The following ANO10 variants were observed in gnomAD, a reference collection of about 807,000 sequenced individuals.
ANO10 encodes anoctamin 10, also known as anoctamin-10.
Under a neutral mutation model 74.7 loss-of-function variants are expected in ANO10, and 77 were observed. The ratio of observed to expected loss-of-function variants is 1.03; its 90% CI spans 0.86 to 1.25. ANO10 has a LOEUF of 1.25. ANO10 is among the 50% of genes most tolerant of loss of function. ANO10 has a pLI of 0.00. For missense variants in ANO10, 721 were observed against 778.1 expected (o/e 0.93, Z 0.87); for synonymous variants, 279 against 284.9 (o/e 0.98, Z 0.21).
At chr3:43,478,159 CAG>C (rs2076145370) in intron 11 of ANO10, among the ~76,000 whole-genome samples, 1 of 152,166 alleles carries the variant, frequency 6.6e-6, no homozygotes, top group Admixed American at 6.5e-5. Flanking sequence ...GCCAAGGTCA[CAG>C]AGTTAGTGAG....
chr3:43,588,058 G>A (rs1020640038), intron 4 of ANO10, among the ~76,000 whole-genome samples: 1 of 152,118 alleles, frequency 6.6e-6, no homozygotes, highest in African/African-American at 2.4e-5. Flanking sequence ...ATCAGAACCA[G>A]ATGGTTTCAT....
At chr3:43,526,339 A>C (rs900533054) in intron 11 of ANO10, among the ~76,000 whole-genome samples, 5 of 152,182 alleles carry the variant, frequency 3.3e-5, no homozygotes, top group Admixed American at 6.5e-5. Context: ...AACATGTATG[A>C]TTATTTTTGT....
intron 1 of ANO10, among the ~76,000 whole-genome samples, chr3:43,609,700 C>G (rs2082722270): frequency 6.6e-6 from 1 of 152,174 alleles, no homozygotes; most frequent in Non-Finnish European, 1.5e-5. Context: ...AGCCTTATTA[C>G]TCCAAGGCCA....
At chr3:43,647,226 G>A (rs954722619) in intron 1 of ANO10, among the ~76,000 whole-genome samples, 2 of 149,362 alleles carry the variant, frequency 1.3e-5, no homozygotes, top group African/African-American at 4.9e-5. Flanking sequence ...ATAGATAAGA[G>A]ATTTATTATG....
chr3:43,575,950 T>G (rs190611173), intron 6 of ANO10, among the ~76,000 whole-genome samples: 1 of 152,318 alleles, frequency 6.6e-6, no homozygotes, highest in Admixed American at 6.5e-5. Flanking sequence ...AAAACATATT[T>G]ATGTCCCATA....
chr3:43,387,368 A>T (rs1376476161), intron 12 of ANO10, among the ~76,000 whole-genome samples: 2 of 152,106 alleles, frequency 1.3e-5, no homozygotes, highest in Non-Finnish European at 2.9e-5. Flanking sequence ...ATTGCCCCTT[A>T]TCACTCCCAT....
In ANO10 at chr3:43,593,199, A is replaced by G. The variant is rs568066089; in HGVS notation, c.472+5333T>C. Among the ~76,000 whole-genome samples the G allele has an allele frequency of 3.9e-5, 6 of 152,370 alleles. No homozygotes were observed. The South Asian group carries it at 1.0e-3, about 26-fold the overall frequency. On this transcript the variant is annotated intron_variant, in intron 4 of 12. Transcript: ENST00000292246. ...GGAAACACTCTTCAGGATATTATCC[A>G]AGAGAACTTCCCCAACCTAGCAAGG...
intron 11 of ANO10, among the ~76,000 whole-genome samples, chr3:43,529,869 A>C (rs1004480332): frequency 2.6e-5 from 4 of 152,168 alleles, no homozygotes; most frequent in Non-Finnish European, 5.9e-5. Flanking sequence ...CATGGTAAAT[A>C]TAACATAATA....
chr3:43,438,655 G>A (rs1458312646), intron 11 of ANO10, among the ~76,000 whole-genome samples: 1 of 152,022 alleles, frequency 6.6e-6, no homozygotes, highest in African/African-American at 2.4e-5. Context: ...GCTGATGCAG[G>A]AGAATTGCTT....
At chr3:43,387,637 C>G (rs538287898) in intron 12 of ANO10, among the ~76,000 whole-genome samples, 1 of 152,294 alleles carries the variant, frequency 6.6e-6, no homozygotes, top group African/African-American at 2.4e-5. Context: ...TGAGGCATCA[C>G]TGAACACCAT....
At chr3:43,455,693 G>A (rs914561173) in intron 11 of ANO10, among the ~76,000 whole-genome samples, 16 of 152,114 alleles carry the variant, frequency 1.1e-4, no homozygotes, top group African/African-American at 3.9e-4. Context: ...AAACTTCACT[G>A]GGCTGGGCTG....
At chr3:43,372,832 G>C in intron 12 of ANO10, 1 of 1,535,138 alleles carries the variant, frequency 6.5e-7, no homozygotes, top group Non-Finnish European at 8.7e-7. Flanking sequence ...AGAGAGACCA[G>C]CTTGCAGCTT....
chr3:43,587,910 C>T (rs907982744), intron 4 of ANO10, among the ~76,000 whole-genome samples: 12 of 151,926 alleles, frequency 7.9e-5, no homozygotes, highest in Admixed American at 2.0e-4. Context: ...ATTTGAAAAC[C>T]TATGTGATAA....
chr3:43,459,448 A>C (rs575559288), intron 11 of ANO10, among the ~76,000 whole-genome samples: 2 of 152,146 alleles, frequency 1.3e-5, no homozygotes, highest in Non-Finnish European at 2.9e-5. Context: ...AGGGTGAGGG[A>C]GGGCTTGCTG....
intron 5 of ANO10, among the ~76,000 whole-genome samples, chr3:43,578,111 G>A (rs2081097912): frequency 1.3e-5 from 2 of 152,162 alleles, no homozygotes; most frequent in South Asian, 2.1e-4. Context: ...TTTTTCTTAA[G>A]ATAATTTGAG....
intron 1 of ANO10, among the ~76,000 whole-genome samples, chr3:43,636,042 C>A (rs925461391): frequency 4.6e-5 from 7 of 151,870 alleles, no homozygotes; most frequent in African/African-American, 1.7e-4. Flanking sequence ...CAAAAAAAAC[C>A]CAAAAAACAG....
intron 11 of ANO10, among the ~76,000 whole-genome samples, chr3:43,520,166 C>A (rs1405042467): frequency 2.0e-5 from 3 of 152,172 alleles, no homozygotes; most frequent in Non-Finnish European, 1.5e-5. Context: ...ATACAACTTT[C>A]CTTCTTGCCA....
At chr3:43,514,866 A>G (rs908602828) in intron 11 of ANO10, among the ~76,000 whole-genome samples, 4 of 152,244 alleles carry the variant, frequency 2.6e-5, no homozygotes, top group South Asian at 2.1e-4. Context: ...ATACTTCTAA[A>G]TAACACATGG....
At chr3:43,385,186 A>G (rs760690237) in intron 12 of ANO10, among the ~76,000 whole-genome samples, 1 of 152,254 alleles carries the variant, frequency 6.6e-6, no homozygotes, top group Non-Finnish European at 1.5e-5. Flanking sequence ...ATCATTAATG[A>G]TCAGGGAAAT....
Sources: allele counts gnomAD v4.1 joint callset (sites outside exome capture counted in the v4.1 genomes callset), GRCh38; gene constraint gnomAD v4.1.1; transcripts MANE v1.5; gene names NCBI Gene and HGNC (gene_info 2026-07-23, HGNC 2026-07-21).